Variants in GRIA4 observed in about 807,000 individuals in gnomAD.
GRIA4 encodes glutamate ionotropic receptor AMPA type subunit 4.
A neutral mutation model predicts 104.0 loss-of-function variants in GRIA4; 34 were observed. The ratio of observed to expected loss-of-function variants is 0.33; its 90% CI spans 0.25 to 0.44. The LOEUF is 0.44. Among genes scored for constraint, GRIA4 ranks in the 20% least tolerant of loss-of-function variants. The pLI is 1.00. For missense variants in GRIA4, 750 were observed against 1,096.5 expected (o/e 0.68, Z 4.46); for synonymous variants, 386 against 381.9 (o/e 1.01, Z -0.13).
At chr11:105,844,608 A>G (rs1944515709) in intron 4 of GRIA4, among the ~76,000 whole-genome samples, 1 of 152,234 alleles carries the variant, frequency 6.6e-6, no homozygotes, top group Non-Finnish European at 1.5e-5. Flanking sequence ...GTCTTTGTAC[A>G]TTTTTAGGAC....
intron 3 of GRIA4, among the ~76,000 whole-genome samples, chr11:105,711,383 A>G (rs991100281): frequency 1.3e-5 from 2 of 151,878 alleles, no homozygotes; most frequent in African/African-American, 2.4e-5. Context: ...TATGTAACAA[A>G]CCTGCACGCT....
chr11:105,866,551 GTATATATATATATATATATATATA>G (rs71041633), intron 5 of GRIA4, among the ~76,000 whole-genome samples: 3 of 76,752 alleles, frequency 3.9e-5, no homozygotes, highest in African/African-American at 2.0e-4. Flanking sequence ...GTGTGTGTGT[GTATATATATATATATATATATATA>G]TATATATATT....
At chr11:105,966,326 C>G (rs763181152) in intron 14 of GRIA4, among the ~76,000 whole-genome samples, 4 of 152,174 alleles carry the variant, frequency 2.6e-5, no homozygotes, top group Non-Finnish European at 5.9e-5. Flanking sequence ...GTCTATGAAT[C>G]TCAATTTTGG....
chr11:105,939,887 C>T (rs921300383), intron 14 of GRIA4, among the ~76,000 whole-genome samples: 1 of 152,060 alleles, frequency 6.6e-6, no homozygotes, highest in African/African-American at 2.4e-5. Flanking sequence ...CCTAGGTGGC[C>T]TCAGCACAGG....
In GRIA4 at chr11:105,926,817, C is replaced by A; in HGVS notation, c.1924C>A (p.Leu642Ile). 6.2e-7 allele frequency: 1 copy of A among 1,610,602 alleles called. No homozygotes were observed. Among genetic ancestry groups the A allele is most frequent in the Non-Finnish European group, 8.5e-7 (1 of 1,177,074 alleles). Residue 642 changes from leucine to isoleucine, a missense_variant, in exon 13 of 17, where the codon CTC becomes ATC. This residue lies in a region of GRIA4 where 272 missense variants were observed against 524.5 expected (regional missense o/e 0.52). Coordinates refer to ENST00000282499, the MANE Select transcript of GRIA4 (RefSeq NM_000829.4). Reference protein sequence around the residue: ...LIIISSYTANLAAFLTVERMV... With the variant: ...LIIISSYTANIAAFLTVERMV... ...CATTATATCATCTTATACTGCTAAC[C>A]TCGCTGCTTTCCTGACGGTTGAGCG...
chr11:105,652,420 G>T (rs769552684), intron 3 of GRIA4, among the ~76,000 whole-genome samples: 2 of 152,060 alleles, frequency 1.3e-5, no homozygotes, highest in African/African-American at 2.4e-5. Context: ...TTTAACACAG[G>T]CTTCCAGTGT....
chr11:105,668,239 A>ATATAGTATAT (rs1555095735), intron 3 of GRIA4, among the ~76,000 whole-genome samples: 1 of 136,638 alleles, frequency 7.3e-6, no homozygotes. Context: ...ATATATATAT[A>ATATAGTATAT]TATATATACT....
At chr11:105,880,908 A>T (rs1946028408) in intron 5 of GRIA4, among the ~76,000 whole-genome samples, 2 of 152,102 alleles carry the variant, frequency 1.3e-5, no homozygotes, top group Admixed American at 6.6e-5. Context: ...CAACAAAAGT[A>T]TTTTTTTACA....
intron 14 of GRIA4, chr11:105,945,469 G>T: frequency 1.1e-6 from 1 of 944,386 alleles, no homozygotes; most frequent in Non-Finnish European, 1.3e-6. Context: ...CTAGGAGGAG[G>T]ACAGAGGAGA....
intron 3 of GRIA4, among the ~76,000 whole-genome samples, chr11:105,692,433 T>C (rs1246564975): frequency 4.6e-5 from 7 of 152,172 alleles, no homozygotes; most frequent in Non-Finnish European, 1.5e-5. Context: ...ACATATGCTA[T>C]TGCTTTACAC....
chr11:105,822,363 G>A (rs1304285214), intron 4 of GRIA4, among the ~76,000 whole-genome samples: 1 of 151,964 alleles, frequency 6.6e-6, no homozygotes, highest in African/African-American at 2.4e-5. Context: ...ACAGAATTAT[G>A]AGGGGGGAAA....
At chr11:105,764,928 A>G (rs1189151169) in intron 4 of GRIA4, among the ~76,000 whole-genome samples, 1 of 152,188 alleles carries the variant, frequency 6.6e-6, no homozygotes, top group Non-Finnish European at 1.5e-5. Context: ...TACTAGATCC[A>G]AGAGACCAAT....
intron 3 of GRIA4, among the ~76,000 whole-genome samples, chr11:105,673,786 T>A (rs896690160): frequency 6.6e-6 from 1 of 151,878 alleles, no homozygotes; most frequent in Non-Finnish European, 1.5e-5. Context: ...GTTTAATAAA[T>A]TAAAAATAAA....
In GRIA4 at chr11:105,710,037, A is replaced by C. The variant is rs528376471; in HGVS notation, c.248-42944A>C. On this transcript the variant is annotated intron_variant, in intron 3 of 16. Transcript: ENST00000282499. ...AATTTAAGATTCTCAATTCATCAGT[A>C]CTGCAATCCCAAGCATGTAGCATAT... is the stretch of plus-strand genomic sequence containing the variant. Among the ~76,000 whole-genome samples, 3 of 152,296 alleles carry C rather than the reference A, an allele frequency of 2.0e-5. No individual in the cohort carries two copies. In the South Asian group the frequency reaches 6.2e-4, roughly 32 times the overall value.
intron 3 of GRIA4, among the ~76,000 whole-genome samples, chr11:105,650,297 G>A (rs1487967874): frequency 6.6e-6 from 1 of 152,126 alleles, no homozygotes; most frequent in Non-Finnish European, 1.5e-5. Context: ...AAATCTCAAT[G>A]AGGGTATTTT....
At chr11:105,731,879 G>T (rs926198470) in intron 3 of GRIA4, among the ~76,000 whole-genome samples, 10 of 151,986 alleles carry the variant, frequency 6.6e-5, no homozygotes, top group African/African-American at 2.4e-4. Flanking sequence ...GCCTGTCGGG[G>T]GGTGGGGGAC....
intron 14 of GRIA4, among the ~76,000 whole-genome samples, chr11:105,939,689 T>C (rs1350559425): frequency 6.6e-6 from 1 of 152,176 alleles, no homozygotes; most frequent in African/African-American, 2.4e-5. Flanking sequence ...GGATCTCAGG[T>C]TATAGGATCA....
At chr11:105,910,656 G>C in intron 10 of GRIA4, 111 bp downstream of exon 10, 1 of 641,018 alleles carries the variant, frequency 1.6e-6, no homozygotes, top group South Asian at 1.9e-5. Flanking sequence ...TGGTGACATG[G>C]GTGTTCTGAT....
intron 4 of GRIA4, among the ~76,000 whole-genome samples, chr11:105,848,271 T>C (rs543906399): frequency 2.0e-5 from 3 of 152,336 alleles, no homozygotes; most frequent in East Asian, 3.9e-4. Context: ...TCTTTGAAAT[T>C]GTAAACTCTT....
Sources: gnomAD v4.1 joint callset for allele counts (sites outside exome capture counted in the v4.1 genomes callset) on GRCh38, gnomAD v4.1.1 for gene constraint, gnomAD v4.1.1 regional missense constraint, MANE v1.5 for transcripts, NCBI Gene and HGNC (gene_info 2026-07-23, HGNC 2026-07-21) for gene names.